LRRC4C: variants seen among roughly 807,000 people sequenced by gnomAD.
LRRC4C encodes the protein leucine rich repeat containing 4C, also known as leucine-rich repeat-containing protein 4C.
LRRC4C carries 5 observed loss-of-function variants against 33.6 expected under a neutral mutation model. The observed-to-expected ratio is 0.15, with a 90% CI of 0.08 to 0.31. The LOEUF (loss-of-function observed/expected upper bound fraction) is 0.31. Ranked by LOEUF, LRRC4C falls within the 10% of genes least tolerant of loss-of-function variation. The pLI is 1.00. For missense variants in LRRC4C, 560 were observed against 796.7 expected (o/e 0.70, Z 3.58); for synonymous variants, 329 against 302.0 (o/e 1.09, Z -0.93).
In LRRC4C at chr11:41,302,894, T is replaced by G. The variant is rs577321497; in HGVS notation, c.-496+156537A>C. 2.0e-5 allele frequency among the ~76,000 whole-genome samples: 3 copies of G among 152,270 alleles called. No individual in the cohort carries two copies. In the East Asian group the frequency reaches 5.8e-4, roughly 29 times the overall value. On this transcript the variant is annotated intron_variant, in intron 1 of 6. Transcript: ENST00000528697. ...TTCTCTTCAGTGCTGTGACCAACTC[T>G]CCTAAATCTCTGTTTGCAAAATATT...
intron 1 of LRRC4C, among the ~76,000 whole-genome samples, chr11:41,164,895 A>T (rs983416553): frequency 6.6e-6 from 1 of 152,090 alleles, no homozygotes; most frequent in Non-Finnish European, 1.5e-5. Context: ...CTTGGATAGA[A>T]TCCAGGGCTC....
At chr11:40,136,393 A>C (rs11035709) in intron 6 of LRRC4C, among the ~76,000 whole-genome samples, 1 of 150,350 alleles carries the variant, frequency 6.7e-6, no homozygotes, top group South Asian at 2.1e-4. Context: ...CAGCCTCCCG[A>C]GTAGCTGGGA....
At chr11:40,865,107 G>A (rs992348240) in intron 2 of LRRC4C, among the ~76,000 whole-genome samples, 1 of 152,072 alleles carries the variant, frequency 6.6e-6, no homozygotes, top group East Asian at 1.9e-4. Context: ...TCATAAAAAA[G>A]GAAATCCTAT....
chr11:41,437,729 C>G (rs1175551763), intron 1 of LRRC4C, among the ~76,000 whole-genome samples: 4 of 152,022 alleles, frequency 2.6e-5, no homozygotes, highest in Non-Finnish European at 5.9e-5. Flanking sequence ...TATGTTGGAC[C>G]TGGGGGCAAA....
At chr11:40,838,798 C>T (rs1278335679) in intron 2 of LRRC4C, among the ~76,000 whole-genome samples, 2 of 151,620 alleles carry the variant, frequency 1.3e-5, no homozygotes, top group African/African-American at 4.8e-5. Flanking sequence ...AATATAATGC[C>T]AGTAAAAACT....
chr11:40,293,911 C>G (rs1375426822), intron 4 of LRRC4C: 1 of 152,390 alleles, frequency 6.6e-6, no homozygotes, highest in Admixed American at 6.5e-5. Context: ...CCCTTCCATC[C>G]ACTTCGGTTT....
intron 5 of LRRC4C, among the ~76,000 whole-genome samples, chr11:40,219,366 A>C (rs1864233981): frequency 6.6e-6 from 1 of 152,150 alleles, no homozygotes. Flanking sequence ...TGTTTTCTTT[A>C]ATATATCCTT....
intron 3 of LRRC4C, among the ~76,000 whole-genome samples, chr11:40,591,822 T>C (rs1361884832): frequency 6.6e-6 from 1 of 152,214 alleles, no homozygotes; most frequent in Non-Finnish European, 1.5e-5. Context: ...AACAGAACTT[T>C]AGCTCAATGA....
chr11:41,066,417 TAAAAAGACCGAA>T (rs1466842704), intron 1 of LRRC4C, among the ~76,000 whole-genome samples: 1 of 151,992 alleles, frequency 6.6e-6, no homozygotes. Flanking sequence ...TGGGATTATG[TAAAAAGACCGAA>T]CCTGTGATTA....
At chr11:40,808,553 G>A (rs1951347760) in intron 2 of LRRC4C, among the ~76,000 whole-genome samples, 1 of 151,706 alleles carries the variant, frequency 6.6e-6, no homozygotes, top group Non-Finnish European at 1.5e-5. Flanking sequence ...ATAAAGTAAA[G>A]GGTGCTCTCT....
At chr11:41,011,973 T>A (rs1416013141) in intron 1 of LRRC4C, among the ~76,000 whole-genome samples, 1 of 150,244 alleles carries the variant, frequency 6.7e-6, no homozygotes, top group Non-Finnish European at 1.5e-5. Flanking sequence ...TTAATAGATG[T>A]GTATATTTTT....
At chr11:40,469,173 G>A (rs1028568130) in intron 3 of LRRC4C, among the ~76,000 whole-genome samples, 1 of 152,136 alleles carries the variant, frequency 6.6e-6, no homozygotes, top group Non-Finnish European at 1.5e-5. Context: ...ATTTCCAACT[G>A]AGGTACCCGG....
chr11:40,851,908 T>A (rs1953522211), intron 2 of LRRC4C, among the ~76,000 whole-genome samples: 1 of 152,240 alleles, frequency 6.6e-6, no homozygotes, highest in African/African-American at 2.4e-5. Flanking sequence ...AGAGTTTTAG[T>A]TTTTAATCAG....
intron 3 of LRRC4C, among the ~76,000 whole-genome samples, chr11:40,338,762 A>G (rs1266078795): frequency 1.3e-5 from 2 of 152,210 alleles, no homozygotes; most frequent in Non-Finnish European, 2.9e-5. Context: ...AAAATGAATG[A>G]ATCTCATCTA....
chr11:40,717,365 C>G (rs1653132556), intron 2 of LRRC4C, among the ~76,000 whole-genome samples: 1 of 151,516 alleles, frequency 6.6e-6, no homozygotes, highest in African/African-American at 2.4e-5. Context: ...GGAAGTCAGT[C>G]CAAAGTCTTT....
chr11:41,101,540 C>G (rs1941184425), intron 1 of LRRC4C, among the ~76,000 whole-genome samples: 1 of 152,186 alleles, frequency 6.6e-6, no homozygotes, highest in African/African-American at 2.4e-5. Context: ...TGCTTATACA[C>G]TGTTGGTGGG....
At chr11:40,993,071 AAAT>A (rs1391210366) in intron 1 of LRRC4C, among the ~76,000 whole-genome samples, 6 of 152,184 alleles carry the variant, frequency 3.9e-5, no homozygotes, top group Non-Finnish European at 8.8e-5. Context: ...AATTAAAATA[AAAT>A]AATAATTTTA....
At chr11:40,277,804 C>A (rs909809523) in intron 4 of LRRC4C, among the ~76,000 whole-genome samples, 1 of 152,002 alleles carries the variant, frequency 6.6e-6, no homozygotes, top group Non-Finnish European at 1.5e-5. Context: ...TTAGAGGGTG[C>A]CTACTCACAG....
At chr11:41,319,196 G>C (rs16935588) in intron 1 of LRRC4C, among the ~76,000 whole-genome samples, 2,512 of 152,154 alleles carry the variant, frequency 0.017, 67 homozygotes, top group African/African-American at 0.056. Context: ...GTTACTGAAT[G>C]AGAAGGAAAA....
Sources: gnomAD v4.1 joint callset for allele counts (sites outside exome capture counted in the v4.1 genomes callset) on GRCh38, gnomAD v4.1.1 for gene constraint, MANE v1.5 for transcripts, NCBI Gene and HGNC (gene_info 2026-07-23, HGNC 2026-07-21) for gene names.